The following PCDHA2 variants were observed in gnomAD, a reference collection of about 807,000 sequenced individuals.
PCDHA2 encodes the protein protocadherin alpha 2, also known as protocadherin alpha-2.
A neutral mutation model predicts 66.0 loss-of-function variants in PCDHA2; 58 were observed. The observed-to-expected ratio is 0.88, with a 90% CI of 0.71 to 1.09. The LOEUF (loss-of-function observed/expected upper bound fraction) is 1.09. Among genes scored for constraint, PCDHA2 ranks in the 50% least tolerant of loss-of-function variants. The probability of loss-of-function intolerance (pLI) is 0.00; values close to 1 mark genes in which losing one functional copy is unlikely to be tolerated. For missense variants in PCDHA2, 1,267 were observed against 1,242.3 expected, an observed-to-expected ratio of 1.02 and a Z score of -0.30; for synonymous variants, 634 against 554.0, an observed-to-expected ratio of 1.14 and a Z score of -2.03.
intron 1 of PCDHA2, among the ~76,000 whole-genome samples, chr5:140,820,130 T>G (rs1281249333): frequency 6.6e-6 from 1 of 152,018 alleles, no homozygotes; most frequent in African/African-American, 2.4e-5. Context: ...CATTGTGTAT[T>G]AAAATATTTC....
At chr5:140,850,038 G>C (rs2150464728) in intron 1 of PCDHA2, 1 of 1,596,736 alleles carries the variant, frequency 6.3e-7, no homozygotes, top group East Asian at 2.2e-5. Flanking sequence ...CGCGGAGAGC[G>C]GCAAGGTGTA....
At chr5:140,873,592 T>G (rs936003894) in intron 1 of PCDHA2, among the ~76,000 whole-genome samples, 1 of 152,234 alleles carries the variant, frequency 6.6e-6, no homozygotes, top group African/African-American at 2.4e-5. Flanking sequence ...TAAGCTAAAC[T>G]TAGATGTTCC....
chr5:140,876,463 G>T, intron 1 of PCDHA2: 2 of 1,614,014 alleles, frequency 1.2e-6, no homozygotes, highest in Non-Finnish European at 1.7e-6. Flanking sequence ...TCCTTCCATG[G>T]CAGGTCACAG....
chr5:140,931,047 C>G (rs969815598), intron 1 of PCDHA2, among the ~76,000 whole-genome samples: 5 of 152,166 alleles, frequency 3.3e-5, no homozygotes, highest in African/African-American at 9.6e-5. Context: ...AGAAAAACTT[C>G]AATGCTGTGT....
chr5:140,888,980 G>A (rs1429569959), intron 1 of PCDHA2, among the ~76,000 whole-genome samples: 2 of 152,022 alleles, frequency 1.3e-5, no homozygotes, highest in Non-Finnish European at 2.9e-5. Context: ...TTGAATTTAT[G>A]ATTTATGATT....
intron 1 of PCDHA2, chr5:140,829,900 C>T (rs2150177291): frequency 1.9e-6 from 3 of 1,613,996 alleles, no homozygotes; most frequent in Admixed American, 3.3e-5. Flanking sequence ...ACTCAGGCTA[C>T]AACGCGTGGC....
chr5:140,842,171 C>T, intron 1 of PCDHA2: 8 of 1,613,804 alleles, frequency 5.0e-6, no homozygotes, highest in Non-Finnish European at 6.8e-6. Flanking sequence ...TTTTAATAGC[C>T]TTGTTGAAAC....
intron 1 of PCDHA2, among the ~76,000 whole-genome samples, chr5:140,847,133 A>G (rs984510498): frequency 6.7e-6 from 1 of 149,740 alleles, no homozygotes; most frequent in Non-Finnish European, 1.5e-5. Flanking sequence ...CAGGAAAACC[A>G]ATGTAAGAAG....
intron 1 of PCDHA2, chr5:140,804,000 A>G (rs2240692): frequency 0.56 from 135,236 of 240,546 alleles, 39,018 homozygotes; most frequent in African/African-American, 0.7. Flanking sequence ...TGTTAGTACA[A>G]ATGTTACTTG....
chr5:140,993,203 A>T (rs1563587510), intron 3 of PCDHA2, among the ~76,000 whole-genome samples: 2 of 152,090 alleles, frequency 1.3e-5, no homozygotes, highest in African/African-American at 4.8e-5. Context: ...ACTAAAGCTA[A>T]TTTTTTTAGC....
chr5:140,856,716 G>A, intron 1 of PCDHA2: 1 of 1,596,628 alleles, frequency 6.3e-7, no homozygotes. Context: ...GAATTTACCG[G>A]ATCTGTTTCT....
At chr5:140,801,122 T>G in intron 1 of PCDHA2, 1 of 1,517,142 alleles carries the variant, frequency 6.6e-7, no homozygotes, top group Non-Finnish European at 8.8e-7. Context: ...GTTTAAGAAA[T>G]GAAGATAAGG....
In PCDHA2 at chr5:141,011,725, TGCAA is replaced by T. The variant is rs1283017882; in HGVS notation, c.*1792_*1795del. 6.5e-6 allele frequency: 1 copy of T among 153,742 alleles called. No individual in the cohort carries two copies. The highest frequency in any genetic ancestry group is 1.5e-5 in the Non-Finnish European group (1 of 68,032). The allele number at this position is 153,742 out of a possible 1,614,324, so 9.5% of individuals were successfully genotyped here. ...ATACTGACAATATTCCATGAGGGTG[TGCAA>T]GCACAAATTTTACCAATCTGACCTC... On this transcript the variant is annotated 3_prime_UTR_variant, in exon 4 of 4. Coordinates refer to ENST00000526136, the MANE Select transcript of PCDHA2 (RefSeq NM_018905.3).
At chr5:140,985,047 C>T (rs1417890181) in intron 3 of PCDHA2, among the ~76,000 whole-genome samples, 5 of 152,076 alleles carry the variant, frequency 3.3e-5, no homozygotes, top group African/African-American at 9.7e-5. Context: ...AAGTGATTCT[C>T]CTGCCTCAGC....
At chr5:140,808,031 T>C (rs1764084602) in intron 1 of PCDHA2, 2 of 1,613,868 alleles carry the variant, frequency 1.2e-6, no homozygotes, top group Admixed American at 1.7e-5. Context: ...TTATTCATTC[T>C]CAAATGATAT....
chr5:140,801,267 T>G, intron 1 of PCDHA2: 1 of 1,613,708 alleles, frequency 6.2e-7, no homozygotes, highest in Non-Finnish European at 8.5e-7. Context: ...CCTCGCAGCC[T>G]CGGAGGTGGG....
chr5:140,804,291 T>C (rs1278574440), intron 1 of PCDHA2: 4 of 152,150 alleles, frequency 2.6e-5, no homozygotes, highest in Non-Finnish European at 4.4e-5. Flanking sequence ...TTGTTCATCT[T>C]TAGTTTATCA....
chr5:140,817,426 G>A (rs1403987621), intron 1 of PCDHA2: 1 of 152,220 alleles, frequency 6.6e-6, no homozygotes, highest in Non-Finnish European at 1.5e-5. Flanking sequence ...TATACCTGTG[G>A]AGGGTCTGGG....
intron 1 of PCDHA2, chr5:140,823,386 C>A: frequency 6.2e-7 from 1 of 1,612,766 alleles, no homozygotes; most frequent in South Asian, 1.1e-5. Context: ...TGAGCGCGCG[C>A]GACGCGGGCG....
Sources: allele counts gnomAD v4.1 joint callset (sites outside exome capture counted in the v4.1 genomes callset), GRCh38; gene constraint gnomAD v4.1.1; transcripts MANE v1.5; gene names NCBI Gene and HGNC (gene_info 2026-07-23, HGNC 2026-07-21).